The following SUCLG2 variants were observed in gnomAD, a reference collection of about 807,000 sequenced individuals.
The protein encoded by SUCLG2 is succinate-CoA ligase GDP-forming subunit beta, also known as succinate--CoA ligase [GDP-forming] subunit beta, mitochondrial.
A neutral mutation model predicts 47.9 loss-of-function variants in SUCLG2; 42 were observed. The ratio of observed to expected loss-of-function variants is 0.88; its 90% CI spans 0.69 to 1.14. SUCLG2 has a LOEUF of 1.14. Ranked by LOEUF, SUCLG2 falls within the 50% of genes most tolerant of loss-of-function variation. The probability of loss-of-function intolerance (pLI) is 0.00; values close to 1 mark genes in which losing one functional copy is unlikely to be tolerated. For synonymous variants in SUCLG2, 195 were observed against 197.3 expected (o/e 0.99, Z 0.10); for missense variants, 571 against 525.9 (o/e 1.09, Z -0.84).
chr3:67,500,103 TCTC>T (rs958492920), intron 7 of SUCLG2, among the ~76,000 whole-genome samples: 2 of 152,058 alleles, frequency 1.3e-5, no homozygotes, highest in Non-Finnish European at 2.9e-5. Flanking sequence ...TACTACCTAT[TCTC>T]CTCCAGCATT....
At chr3:67,458,038 G>A (rs112592884) in intron 9 of SUCLG2, among the ~76,000 whole-genome samples, 76 of 152,240 alleles carry the variant, frequency 5.0e-4, no homozygotes, top group African/African-American at 1.7e-3. Context: ...CACATAGGGA[G>A]GCTGGTTACT....
chr3:67,626,787 A>G lies in SUCLG2; in HGVS notation c.85-17191T>C, dbSNP rs146509514. ...AAATTAGCTGGGCGTGGTGGCGGGC[A>G]CCTGTAGTCCCAGCTACATGGGAGG... is the stretch of plus-strand genomic sequence containing the variant. On this transcript the variant is annotated intron_variant, in intron 1 of 10. Transcript: ENST00000307227. Among the ~76,000 whole-genome samples the G allele has an allele frequency of 2.1e-3, 326 of 151,782 alleles. 1 individual carries two copies. The highest frequency in any genetic ancestry group is 0.01 in the Middle Eastern group (3 of 294).
intron 1 of SUCLG2, among the ~76,000 whole-genome samples, chr3:67,627,409 T>C (rs74910832): frequency 0.012 from 1,762 of 152,328 alleles, 40 homozygotes; most frequent in African/African-American, 0.04. Context: ...TATTTCACAA[T>C]TATTTTCTCA....
intron 9 of SUCLG2, among the ~76,000 whole-genome samples, chr3:67,485,784 G>A (rs1705035255): frequency 6.6e-6 from 1 of 152,190 alleles, no homozygotes; most frequent in South Asian, 2.1e-4. Context: ...ATTCTTAACT[G>A]AAACGTTGAA....
At chr3:67,398,145 G>T (rs1446514571) in intron 10 of SUCLG2, among the ~76,000 whole-genome samples, 2 of 150,170 alleles carry the variant, frequency 1.3e-5, no homozygotes, top group African/African-American at 4.9e-5. Flanking sequence ...AAAAGCAATG[G>T]CAACAAAAGC....
At chr3:67,496,136 A>G (rs767029187) in intron 8 of SUCLG2, among the ~76,000 whole-genome samples, 196 bp from the exon 9 acceptor site, 2 of 152,232 alleles carry the variant, frequency 1.3e-5, no homozygotes, top group Non-Finnish European at 2.9e-5. Flanking sequence ...ATATGCAAAC[A>G]ATGAAACAAA....
chr3:67,411,365 C>T (rs545240610), intron 9 of SUCLG2, among the ~76,000 whole-genome samples: 2 of 151,960 alleles, frequency 1.3e-5, no homozygotes, highest in East Asian at 3.9e-4. Flanking sequence ...TAATGTAAAA[C>T]GATGGTGGAA....
At chr3:67,444,210 G>A (rs1239060831) in intron 9 of SUCLG2, among the ~76,000 whole-genome samples, 19 of 45,498 alleles carry the variant, frequency 4.2e-4, no homozygotes, top group Non-Finnish European at 6.1e-4. Context: ...GGTGAGGGGC[G>A]CCTCTGCCCG....
At chr3:67,614,992 C>T (rs1283321260) in intron 1 of SUCLG2, among the ~76,000 whole-genome samples, 1 of 152,162 alleles carries the variant, frequency 6.6e-6, no homozygotes, top group East Asian at 1.9e-4. Context: ...TGTACAATAT[C>T]CTTGCCATCA....
At chr3:67,382,626 T>C (rs1426538814) in intron 10 of SUCLG2, among the ~76,000 whole-genome samples, 1 of 152,258 alleles carries the variant, frequency 6.6e-6, no homozygotes. Flanking sequence ...GAACATTTTA[T>C]GATACATGAA....
At chr3:67,408,172 G>A (rs758224735) in intron 9 of SUCLG2, among the ~76,000 whole-genome samples, 1 of 151,996 alleles carries the variant, frequency 6.6e-6, no homozygotes, top group South Asian at 2.1e-4. Flanking sequence ...TTCTACCTTT[G>A]GTATATTCTT....
In SUCLG2 at chr3:67,598,330, C is replaced by T. The variant is rs1415032378; in HGVS notation, c.226+11125G>A. Among the ~76,000 whole-genome samples the T allele has an allele frequency of 5.3e-5, 8 of 152,170 alleles. No homozygotes were observed. The East Asian group carries it at 1.5e-3, about 29-fold the overall frequency. Reference sequence around the variant, plus strand: ...AAAACAGGCTTCCTGTTAAAGACAGCTGCTATCAAAGAGTCATCCTTAATC... The same window carrying T: ...AAAACAGGCTTCCTGTTAAAGACAGTTGCTATCAAAGAGTCATCCTTAATC... On this transcript the variant is annotated intron_variant, in intron 2 of 10. Coordinates refer to ENST00000307227, the MANE Select transcript of SUCLG2 (RefSeq NM_003848.4).
intron 9 of SUCLG2, among the ~76,000 whole-genome samples, chr3:67,492,694 T>G (rs1307793397): frequency 6.6e-6 from 1 of 152,204 alleles, no homozygotes; most frequent in Non-Finnish European, 1.5e-5. Context: ...TTCAGTTCAG[T>G]AAGTGAGTTT....
chr3:67,362,273 C>G (rs1701814650), intron 10 of SUCLG2, among the ~76,000 whole-genome samples: 1 of 152,146 alleles, frequency 6.6e-6, no homozygotes, highest in Admixed American at 6.5e-5. Context: ...ACATGCTGTT[C>G]TCCCTCTGCC....
chr3:67,648,217 G>A (rs540409819), intron 1 of SUCLG2, among the ~76,000 whole-genome samples: 1 of 152,200 alleles, frequency 6.6e-6, no homozygotes, highest in Admixed American at 6.5e-5. Context: ...GATCCCATAA[G>A]AATTTGAACT....
intron 9 of SUCLG2, among the ~76,000 whole-genome samples, chr3:67,422,595 T>C (rs745395882): frequency 1.2e-4 from 18 of 150,920 alleles, no homozygotes; most frequent in Non-Finnish European, 1.2e-4. Context: ...CAGAAAGTCA[T>C]AGTCTTTGCC....
chr3:67,427,206 T>C (rs1446388088), intron 9 of SUCLG2, among the ~76,000 whole-genome samples: 3 of 152,180 alleles, frequency 2.0e-5, no homozygotes, highest in African/African-American at 7.2e-5. Flanking sequence ...CATTTTCCTT[T>C]AAAAGTAGCC....
At chr3:67,636,292 G>T (rs1033613489) in intron 1 of SUCLG2, among the ~76,000 whole-genome samples, 10 of 151,820 alleles carry the variant, frequency 6.6e-5, no homozygotes, top group Non-Finnish European at 1.2e-4. Flanking sequence ...AATAGAAAGG[G>T]TCTAGAAAAG....
chr3:67,511,543 C>T (rs1705789401), intron 6 of SUCLG2, among the ~76,000 whole-genome samples: 1 of 152,104 alleles, frequency 6.6e-6, no homozygotes, highest in African/African-American at 2.4e-5. Context: ...GTAAGAAGTC[C>T]CTTCACTCTT....
Sources: allele counts gnomAD v4.1 joint callset (sites outside exome capture counted in the v4.1 genomes callset), GRCh38; gene constraint gnomAD v4.1.1; transcripts MANE v1.5; gene names NCBI Gene and HGNC (gene_info 2026-07-23, HGNC 2026-07-21).